The following BCL2L13 variants were observed in gnomAD, a reference collection of about 807,000 sequenced individuals.
BCL2L13 encodes the protein bcl-2-like protein 13.
BCL2L13 carries 13 observed loss-of-function variants against 25.8 expected under a neutral mutation model. The observed-to-expected ratio is 0.50, with a 90% CI of 0.33 to 0.80. BCL2L13 has a LOEUF of 0.80. BCL2L13 is among the 30% of genes least tolerant of loss of function. BCL2L13 has a pLI of 0.02. For missense variants in BCL2L13, 504 were observed against 574.9 expected (o/e 0.88, Z 1.26); for synonymous variants, 244 against 230.3 (o/e 1.06, Z -0.54).
At chr22:17,715,174 T>A (rs61318819) in intron 6 of BCL2L13, among the ~76,000 whole-genome samples, 70 of 15,598 alleles carry the variant, frequency 4.5e-3, no homozygotes, top group South Asian at 7.8e-3. Flanking sequence ...ATATATATTT[T>A]TTTTTTTTTT....
chr22:17,691,418 G>A (rs531509923), intron 4 of BCL2L13, among the ~76,000 whole-genome samples: 1 of 152,294 alleles, frequency 6.6e-6, no homozygotes, highest in African/African-American at 2.4e-5. Context: ...AGGCCGAGGC[G>A]GGCGTATCAC....
At chr22:17,678,012 C>T (rs2059624911) in intron 2 of BCL2L13, among the ~76,000 whole-genome samples, 3 of 152,110 alleles carry the variant, frequency 2.0e-5, no homozygotes. Flanking sequence ...TGCCACTGCA[C>T]TCCAGCCTGG....
intron 1 of BCL2L13, among the ~76,000 whole-genome samples, chr22:17,646,955 A>ATTTTTTTTTTTT (rs149460093): frequency 4.5e-4 from 10 of 22,190 alleles, no homozygotes; most frequent in Admixed American, 2.7e-3. Flanking sequence ...ATATATATAT[A>ATTTTTTTTTTTT]TTTTTTTTTT....
At chr22:17,698,094 G>T (rs574444048) in intron 5 of BCL2L13, among the ~76,000 whole-genome samples, 1 of 151,190 alleles carries the variant, frequency 6.6e-6, no homozygotes, top group Non-Finnish European at 1.5e-5. Context: ...GGGATTACAA[G>T]TGTGAGCCAC....
At chr22:17,644,469 C>G (rs2058402376) in intron 1 of BCL2L13, among the ~76,000 whole-genome samples, 1 of 150,198 alleles carries the variant, frequency 6.7e-6, no homozygotes, top group Non-Finnish European at 1.5e-5. Context: ...GTAACTGGGA[C>G]TACAAGTGCG....
At chr22:17,683,366 G>T (rs1329221088) in intron 3 of BCL2L13, 45 bp downstream of exon 3, 3 of 1,156,188 alleles carry the variant, frequency 2.6e-6, no homozygotes, top group Non-Finnish European at 3.8e-6. Flanking sequence ...GATTGTGTTT[G>T]TTATGGTTTA....
intron 2 of BCL2L13, among the ~76,000 whole-genome samples, chr22:17,668,708 A>G (rs1434532731): frequency 1.3e-5 from 2 of 151,000 alleles, no homozygotes; most frequent in African/African-American, 2.4e-5. Context: ...CTCGTGATCC[A>G]CCTGCCTTGG....
chr22:17,659,054 T>G (rs1178092861), intron 2 of BCL2L13, among the ~76,000 whole-genome samples: 1 of 41,492 alleles, frequency 2.4e-5, no homozygotes, highest in Non-Finnish European at 4.4e-5. Flanking sequence ...CAAGACTCCA[T>G]CTAAAAAAAA....
upstream of BCL2L13, among the ~76,000 whole-genome samples, chr22:17,637,317 G>T (rs989980218): frequency 4.0e-5 from 6 of 150,562 alleles, no homozygotes; most frequent in African/African-American, 1.5e-4. Context: ...TGAGGCAGGA[G>T]AATCGCTTGA....
chr22:17,699,764 G>A (rs891731250), intron 5 of BCL2L13, among the ~76,000 whole-genome samples: 1 of 152,034 alleles, frequency 6.6e-6, no homozygotes, highest in African/African-American at 2.4e-5. Flanking sequence ...TGGGAGATGA[G>A]AGTCCAAAAA....
intron 6 of BCL2L13, among the ~76,000 whole-genome samples, chr22:17,714,222 G>A (rs2060846843): frequency 1.3e-5 from 2 of 152,060 alleles, no homozygotes; most frequent in South Asian, 4.1e-4. Context: ...GAACCCGGGA[G>A]GTGGAGCTTG....
chr22:17,725,355 T>TA (rs2061266172), intron 6 of BCL2L13, among the ~76,000 whole-genome samples: 1 of 152,170 alleles, frequency 6.6e-6, no homozygotes, highest in Non-Finnish European at 1.5e-5. Context: ...GCTCTGTCCT[T>TA]ATCTTCTTTT....
At chr22:17,637,598 A>C (rs557788638), upstream of BCL2L13, among the ~76,000 whole-genome samples, 1 of 151,900 alleles carries the variant, frequency 6.6e-6, no homozygotes, top group African/African-American at 2.4e-5. Context: ...GGCAGGTCTG[A>C]AACTCCTGAC....
At chr22:17,668,757 G>A (rs765799143) in intron 2 of BCL2L13, among the ~76,000 whole-genome samples, 5 of 152,058 alleles carry the variant, frequency 3.3e-5, no homozygotes, top group Non-Finnish European at 7.4e-5. Context: ...GAGCCACTGC[G>A]CTTGGCCTGA....
intron 2 of BCL2L13, among the ~76,000 whole-genome samples, chr22:17,672,992 C>T (rs1024833331): frequency 2.6e-5 from 4 of 152,094 alleles, no homozygotes; most frequent in Admixed American, 2.0e-4. Context: ...AAATTATAGT[C>T]GTATGTCCTG....
intron 2 of BCL2L13, among the ~76,000 whole-genome samples, chr22:17,667,005 A>G (rs555431909): frequency 3.3e-5 from 5 of 152,010 alleles, no homozygotes; most frequent in Admixed American, 6.6e-5. Context: ...TCCGTTGTCT[A>G]TATGTACCAC....
At chr22:17,647,157 G>A (rs576901980) in intron 1 of BCL2L13, among the ~76,000 whole-genome samples, 88 of 151,172 alleles carry the variant, frequency 5.8e-4, no homozygotes, top group Middle Eastern at 3.4e-3. Flanking sequence ...TGTATTTCTA[G>A]TAGAGACGGG....
intron 3 of BCL2L13, among the ~76,000 whole-genome samples, chr22:17,687,485 CG>C (rs778892081): frequency 6.6e-6 from 1 of 151,954 alleles, no homozygotes; most frequent in African/African-American, 2.4e-5. Flanking sequence ...GGACTATAGG[CG>C]TGTGCCACAG....
upstream of BCL2L13, chr22:17,638,631 T>C (rs2058152880): frequency 1.6e-6 from 2 of 1,213,668 alleles, no homozygotes; most frequent in East Asian, 6.3e-5. Flanking sequence ...TCAGGTCACA[T>C]CTGGACGGAG....
Sources: gnomAD v4.1 joint callset for allele counts (sites outside exome capture counted in the v4.1 genomes callset) on GRCh38, gnomAD v4.1.1 for gene constraint, MANE v1.5 for transcripts, NCBI Gene and HGNC (gene_info 2026-07-23, HGNC 2026-07-21) for gene names.